Variants in APOB observed in about 807,000 individuals in gnomAD.
APOB encodes the protein apolipoprotein B-100.
APOB carries 153 observed loss-of-function variants against 314.1 expected under a neutral mutation model. The ratio of observed to expected loss-of-function variants is 0.49; its 90% CI spans 0.43 to 0.56. The LOEUF is 0.56. Among genes scored for constraint, APOB ranks in the 20% least tolerant of loss-of-function variants. The pLI, the probability that APOB is intolerant of heterozygous loss-of-function variation, is 0.00. For missense variants in APOB, 5,430 were observed against 5,350.7 expected (o/e 1.01, Z -0.46); for synonymous variants, 2,087 against 2,036.4 (o/e 1.02, Z -0.67).
intron 10 of APOB, among the ~76,000 whole-genome samples, chr2:21,031,694 C>T (rs1378050112): frequency 6.6e-6 from 1 of 151,956 alleles, no homozygotes; most frequent in Non-Finnish European, 1.5e-5. Context: ...ACCAAGAATA[C>T]AAAAATTAGC....
chr2:21,037,211 C>T lies in APOB; in HGVS notation c.582G>A (p.Thr194=), dbSNP rs780730006. Residue 194 remains threonine (T), a synonymous_variant, in exon 6 of 29, where the codon ACG becomes ACA. Coordinates refer to ENST00000233242, the MANE Select transcript of APOB (RefSeq NM_000384.3). ...GNCSTHFTVK[T]RKGNVATEIS... ...TTTCTGTTGCCACATTGCCCTTCCTCGTCTTGACGGTAAAGTGAGTGGAGC... is the reference window on the plus strand; with the variant it reads ...TTTCTGTTGCCACATTGCCCTTCCTTGTCTTGACGGTAAAGTGAGTGGAGC... 22 of 1,614,022 alleles carry T rather than the reference C, an allele frequency of 1.4e-5. No homozygotes were observed. The African/African-American group carries it at 1.9e-4, about 14-fold the overall frequency.
Position 21,007,450 on chromosome 2 carries a change from T to C in APOB, c.9418A>G (p.Thr3140Ala). 1 of 1,614,114 alleles carries C rather than the reference T, an allele frequency of 6.2e-7. No homozygotes were observed. Among genetic ancestry groups the C allele is most frequent in the Non-Finnish European group, 8.5e-7 (1 of 1,179,976 alleles). The change falls in exon 26 of 29, where the codon ACA (threonine) becomes GCA (alanine). Residue 3140 changes from threonine (T) to alanine (A), a missense_variant. This residue lies in a region of APOB where 3,281 missense variants were observed against 3,171.0 expected (regional missense o/e 1.03). Coordinates refer to ENST00000233242, the MANE Select transcript of APOB (RefSeq NM_000384.3). ...LTIPEMRLPY[T>A]IITTPPLKDF... Reference sequence around the variant, plus strand: ...TTCAGTGGAGGAGTTGTGATTATTGTGTAAGGTAGACGCATTTCAGGAATT... The same window carrying C: ...TTCAGTGGAGGAGTTGTGATTATTGCGTAAGGTAGACGCATTTCAGGAATT...
At chr2:21,018,619 C>T (rs1374201558) in intron 20 of APOB, among the ~76,000 whole-genome samples, 2 of 152,190 alleles carry the variant, frequency 1.3e-5, no homozygotes, top group South Asian at 2.1e-4. Context: ...GGGAGACTTT[C>T]CCTTATTATT....
chr2:21,004,195 G>A (rs917499370), intron 28 of APOB, 74 bp downstream of exon 28: 1 of 1,513,520 alleles, frequency 6.6e-7, no homozygotes, highest in African/African-American at 1.4e-5. Context: ...TGAATATTTG[G>A]TCCTGAATTA....
chr2:21,016,423 CCT>C lies in APOB; in HGVS notation c.3332+14_3332+15del. 6.9e-7 allele frequency: 1 copy of C among 1,453,102 alleles called. No individual in the cohort carries two copies. The highest frequency in any genetic ancestry group is 9.7e-7 in the Non-Finnish European group (1 of 1,033,922). 90.0% of individuals were successfully genotyped at this position (1,453,102 alleles called of 1,614,324 possible). On this transcript the variant is annotated intron_variant, in intron 21 of 28. Transcript: ENST00000233242. The stretch of plus-strand genomic sequence containing the variant: ...AGGCCTGCAGTGCAGGTCAGATGAC[CCT>C]CGGCCTTCTTTACCTTAGGTGGCCC...
Position 21,033,527 on chromosome 2 carries a change from T to C in APOB, c.905-9A>G, listed in dbSNP as rs1191608520. 2.5e-6 allele frequency: 4 copies of C among 1,610,288 alleles called. No individual in the cohort carries two copies. The South Asian group carries it at 3.3e-5, about 13-fold the overall frequency. On this transcript the variant is annotated splice_polypyrimidine_tract_variant and intron_variant, in intron 8 of 28. Transcript: ENST00000233242. ...GCCCATCTTCTTAGTACCTGGAAGA[T>C]GGAAAGTGTCAAAGGAACTCTAGCT...
rs763030591 is a variant in APOB at position 21,007,227 on chromosome 2, T to C, written c.9641A>G (p.Asn3214Ser). The C allele has an allele frequency of 1.2e-5, 19 of 1,613,374 alleles. No individual in the cohort carries two copies. The Middle Eastern group carries it at 8.2e-4, about 70-fold the overall frequency. The change falls in exon 26 of 29, where the codon AAT (asparagine) becomes AGT (serine). Residue 3214 changes from asparagine (N) to serine (S), a missense_variant. Asn to Ser is a conservative substitution (Grantham distance 46). Around this residue, in one of 3 missense-constraint regions of APOB, gnomAD observed 3,281 missense variants for 3,171.0 expected, o/e 1.03. Coordinates refer to ENST00000233242, the MANE Select transcript of APOB (RefSeq NM_000384.3). ...FDRHFEKNRNNALDFVTKSYN... is the reference protein window; with the variant it reads ...FDRHFEKNRNSALDFVTKSYN... ...GGATTTGGTGACAAAATCTAATGCA[T>C]TGTTTCTGTTTTTTTCAAAATGCCT...
chr2:21,008,113 T>C lies in APOB; in HGVS notation c.8755A>G (p.Ile2919Val), dbSNP rs752401914. The C allele has an allele frequency of 2.5e-6, 4 of 1,614,084 alleles. No homozygotes were observed. The highest frequency in any genetic ancestry group is 1.7e-5 in the Admixed American group (1 of 60,018). The change falls in exon 26 of 29, where the codon ATA (isoleucine) becomes GTA (valine). Residue 2919 changes from isoleucine (I) to valine (V), a missense_variant. Coordinates refer to ENST00000233242, the MANE Select transcript of APOB (RefSeq NM_000384.3). ...EIKTLLKAGH[I>V]AWTSSGKGSW... ...CCTTTTCCAGAAGAAGTCCATGCTATGTGGCCAGCTTTCAACAGTGTCTTG... is the reference window on the plus strand; with the variant it reads ...CCTTTTCCAGAAGAAGTCCATGCTACGTGGCCAGCTTTCAACAGTGTCTTG...
chr2:21,036,612 A>T (rs1302242089), intron 6 of APOB, among the ~76,000 whole-genome samples: 1 of 152,046 alleles, frequency 6.6e-6, no homozygotes, highest in Non-Finnish European at 1.5e-5. Flanking sequence ...TGGGGGTGGA[A>T]GGACAAGAAG....
Position 21,009,693 on chromosome 2 carries a change from T to G in APOB, c.7175A>C (p.Lys2392Thr). Residue 2392 changes from lysine (K) to threonine (T), a missense_variant, in exon 26 of 29, where the codon AAA becomes ACA. By Grantham distance (78) the Lys-to-Thr change is moderately conservative. Around this residue, in one of 3 missense-constraint regions of APOB, gnomAD observed 3,281 missense variants for 3,171.0 expected, o/e 1.03. Coordinates refer to ENST00000233242, the MANE Select transcript of APOB (RefSeq NM_000384.3). ...QQVKIKDYFE[K>T]LVGFIDDAVK... ...AGCATCATCAATAAATCCAACCAAT[T>G]TCTCAAAGTAATCTTTTATCTTAAC... 1 of 1,613,340 alleles carries G rather than the reference T, an allele frequency of 6.2e-7. No homozygotes were observed. The highest frequency in any genetic ancestry group is 8.5e-7 in the Non-Finnish European group (1 of 1,179,574).
chr2:21,007,201 A>G lies in APOB; in HGVS notation c.9667T>C (p.Tyr3223His), dbSNP rs1324189615. ...TCAAACTTAATTTTTGTTTCATTAT[A>G]GGATTTGGTGACAAAATCTAATGCA... ...NNALDFVTKS[Y>H]NETKIKFDKY... is the part of the protein sequence containing the mutation. Residue 3223 changes from tyrosine (Y) to histidine (H), a missense_variant, in exon 26 of 29, where the codon TAT (tyrosine) becomes CAT (histidine). Physicochemically the swap from Tyr to His is moderately conservative, Grantham distance 83 (BLOSUM62 2). Around this residue, in one of 3 missense-constraint regions of APOB, gnomAD observed 3,281 missense variants for 3,171.0 expected, o/e 1.03. Coordinates refer to ENST00000233242, the MANE Select transcript of APOB (RefSeq NM_000384.3). The G allele has an allele frequency of 6.2e-7, 1 of 1,613,920 alleles. No homozygotes were observed. Among genetic ancestry groups the G allele is most frequent in the African/African-American group, 1.3e-5 (1 of 75,028 alleles).
chr2:21,011,166 G>C lies in APOB; in HGVS notation c.5702C>G (p.Ala1901Gly). Residue 1901 changes from alanine to glycine, a missense_variant, in exon 26 of 29, where the codon GCC becomes GGC. Transcript: ENST00000233242. ...TGCATCGATGGTCATGGTAAACGGG[G>C]CCATTACAGAACGGAAGACATTGCT... The part of the protein sequence containing the change: ...HFSNVFRSVM[A>G]PFTMTIDAHT... 6.2e-7 allele frequency: 1 copy of C among 1,614,192 alleles called. No homozygotes were observed.
At chr2:21,023,143 A>G (rs1349058406) in intron 17 of APOB, 101 bp from the exon 18 acceptor site, 30 of 1,063,888 alleles carry the variant, frequency 2.8e-5, no homozygotes, top group Non-Finnish European at 4.2e-5. Flanking sequence ...GATTTCCTGG[A>G]TAACTCAGAC....
chr2:21,023,197 G>A (rs1663656503), intron 17 of APOB, among the ~76,000 whole-genome samples, 155 bp from the exon 18 acceptor site: 1 of 152,178 alleles, frequency 6.6e-6, no homozygotes, highest in African/African-American at 2.4e-5. Flanking sequence ...AGGAAAGCGA[G>A]TTCTCAGTTC....
intron 24 of APOB, 25 bp downstream of exon 24, chr2:21,014,422 GA>G: frequency 6.2e-7 from 1 of 1,613,786 alleles, no homozygotes; most frequent in Non-Finnish European, 8.5e-7. Flanking sequence ...CATGGTTCAA[GA>G]AGCCTTGCTG....
At position 21,012,450 on chromosome 2, in the gene APOB, G is replaced by T. The variant is rs866813485; in HGVS notation, c.4418C>A (p.Ser1473Tyr). The T allele has an allele frequency of 2.5e-6, 4 of 1,613,974 alleles. No individual in the cohort carries two copies. In the African/African-American group the frequency reaches 5.3e-5, roughly 22 times the overall value. Residue 1473 changes from serine to tyrosine, a missense_variant, in exon 26 of 29, where the codon TCC (serine) becomes TAC (tyrosine). By Grantham distance (144) the Ser-to-Tyr change is moderately radical (BLOSUM62 -2). Coordinates refer to ENST00000233242, the MANE Select transcript of APOB (RefSeq NM_000384.3). ...PQMSASVHLD[S>Y]KKKQHLFVKE... ...GACAAACAAATGCTGTTTCTTTTTG[G>T]AGTCCAAATGAACTGAAGCAGACAT... is the stretch of plus-strand genomic sequence containing the variant.
At position 21,008,166 on chromosome 2, in the gene APOB, G is replaced by A; in HGVS notation, c.8702C>T (p.Ser2901Phe). The change falls in exon 26 of 29, where the codon TCT becomes TTT. Residue 2901 changes from serine (S) to phenylalanine (F), a missense_variant. This residue lies in a region of APOB where 3,281 missense variants were observed against 3,171.0 expected (regional missense o/e 1.03). Coordinates refer to ENST00000233242, the MANE Select transcript of APOB (RefSeq NM_000384.3). Reference protein sequence around the residue: ...HKLNIPKLDFSSQADLRNEIK... With the variant: ...HKLNIPKLDFFSQADLRNEIK... ...CTCGTTGCGCAGGTCAGCCTGACTA[G>A]AGAAGTCCAGTTTGGGGATGTTCAA... The A allele has an allele frequency of 6.2e-7, 1 of 1,614,070 alleles. No homozygotes were observed. Among genetic ancestry groups the A allele is most frequent in the Non-Finnish European group, 8.5e-7 (1 of 1,179,984 alleles).
Position 21,001,745 on chromosome 2 carries a change from A to G in APOB, c.13677T>C (p.Leu4559=). ...NPYMKLAPGE[L]TIIL ...TTTTAAAAAATTAGAGGATGATAGT[A>G]AGTTCTCCTGGAGCAAGCTTCATGT... is the stretch of plus-strand genomic sequence containing the variant. Residue 4559 remains leucine (L), a synonymous_variant, in exon 29 of 29, where the codon CTT becomes CTC. Coordinates refer to ENST00000233242, the MANE Select transcript of APOB (RefSeq NM_000384.3). 6.2e-7 allele frequency: 1 copy of G among 1,613,890 alleles called. No individual in the cohort carries two copies. The highest frequency in any genetic ancestry group is 8.5e-7 in the Non-Finnish European group (1 of 1,179,876).
At chr2:21,022,015 G>A (rs1663618443) in intron 18 of APOB, among the ~76,000 whole-genome samples, 1 of 152,152 alleles carries the variant, frequency 6.6e-6, no homozygotes, top group Non-Finnish European at 1.5e-5. Context: ...GAGTGCAGTG[G>A]TGCAAGCATG....
Sources: allele counts gnomAD v4.1 joint callset (sites outside exome capture counted in the v4.1 genomes callset), GRCh38; gene constraint gnomAD v4.1.1; regional missense constraint gnomAD v4.1.1; transcripts MANE v1.5; gene names NCBI Gene and HGNC (gene_info 2026-07-23, HGNC 2026-07-21).